The following TMEM164 variants were observed in gnomAD, a reference collection of about 807,000 sequenced individuals.
TMEM164 encodes transmembrane protein 164, also known as RP13-360B22.2.
TMEM164 carries 4 observed loss-of-function variants against 18.8 expected under a neutral mutation model. That is an observed-to-expected ratio of 0.21 (90% CI 0.10 to 0.49). The LOEUF is 0.49. TMEM164 is among the 20% of genes least tolerant of loss of function. The pLI is 0.98. For synonymous variants in TMEM164, 86 were observed against 101.7 expected (o/e 0.85, Z 0.93); for missense variants, 108 against 239.9 (o/e 0.45, Z 3.63).
chrX:110,083,427 C>G (rs2065787457), intron 3 of TMEM164, among the ~76,000 whole-genome samples: 1 of 111,123 alleles, frequency 9.0e-6, no homozygotes, highest in African/African-American at 3.3e-5. Context: ...CTTGGGTTTT[C>G]CATCAGTTTC....
chrX:110,118,820 T>C (rs1033221928), intron 4 of TMEM164, among the ~76,000 whole-genome samples: 4 of 111,465 alleles, frequency 3.6e-5, no homozygotes, highest in African/African-American at 1.3e-4. Flanking sequence ...AATGGCGACA[T>C]TTGATTCATT....
At chrX:110,093,188 C>T (rs1464620264) in intron 3 of TMEM164, among the ~76,000 whole-genome samples, 1 of 111,834 alleles carries the variant, frequency 8.9e-6, no homozygotes, top group Non-Finnish European at 1.9e-5. Context: ...TGTTGTGTCT[C>T]TGCCAGGCTT....
chrX:110,150,808 C>T (rs1223835695), intron 5 of TMEM164, among the ~76,000 whole-genome samples: 2 of 111,683 alleles, frequency 1.8e-5, no homozygotes, highest in African/African-American at 6.5e-5. Context: ...CTCCCCCTTT[C>T]TTTCTTTTTT....
upstream of TMEM164, chrX:110,002,723 G>T (rs1932380570): frequency 9.0e-6 from 1 of 111,002 alleles, no homozygotes; most frequent in Admixed American, 9.3e-5. Context: ...GGCGCGGAGA[G>T]CGCGGGAGCG....
rs1271283897 is a variant in TMEM164, at chrX:110,003,758, A to G, written c.-17A>G. The G allele has an allele frequency of 5.9e-6, 7 of 1,179,598 alleles. No homozygotes were observed. In the East Asian group the frequency reaches 2.1e-4, roughly 35 times the overall value. The stretch of plus-strand genomic sequence containing the variant: ...ACTCTTGCTTCCTGTACTGTGGTCA[A>G]GGGGAACCACTGCATCATGTCCCGG... On this transcript the variant is annotated 5_prime_UTR_variant, in exon 2 of 7. Transcript: ENST00000372068.
At chrX:110,151,613 T>G (rs963791869) in intron 5 of TMEM164, among the ~76,000 whole-genome samples, 1 of 110,725 alleles carries the variant, frequency 9.0e-6, no homozygotes, top group African/African-American at 3.3e-5. Context: ...AAACCCCCTC[T>G]CTACTAAAAA....
chrX:110,030,498 C>T (rs1477750542), intron 2 of TMEM164, among the ~76,000 whole-genome samples: 2 of 104,992 alleles, frequency 1.9e-5, no homozygotes, highest in African/African-American at 3.5e-5. Flanking sequence ...AAAAGGCCAA[C>T]GGATCAAGAG....
intron 3 of TMEM164, among the ~76,000 whole-genome samples, chrX:110,091,157 A>G (rs1414433882): frequency 8.9e-6 from 1 of 112,012 alleles, no homozygotes; most frequent in African/African-American, 3.2e-5. Context: ...GAATAGTGCC[A>G]CAATAAACAT....
At chrX:110,156,403 A>G (rs960062507) in intron 5 of TMEM164, among the ~76,000 whole-genome samples, 1 of 112,151 alleles carries the variant, frequency 8.9e-6, no homozygotes, top group Non-Finnish European at 1.9e-5. Context: ...AATATTGGAT[A>G]TTGATTTATT....
chrX:110,054,900 G>A (rs1935746895), intron 2 of TMEM164, among the ~76,000 whole-genome samples: 1 of 111,958 alleles, frequency 8.9e-6, no homozygotes, highest in Non-Finnish European at 1.9e-5. Flanking sequence ...GAACACTTGT[G>A]TGTATCAGCC....
intron 2 of TMEM164, among the ~76,000 whole-genome samples, chrX:110,063,816 A>G (rs1936214685): frequency 9.0e-6 from 1 of 111,313 alleles, no homozygotes; most frequent in Non-Finnish European, 1.9e-5. Flanking sequence ...GTGTTTTGAG[A>G]TGTCTCACAC....
chrX:110,112,053 T>G (rs780875923), intron 4 of TMEM164, among the ~76,000 whole-genome samples: 16 of 110,048 alleles, frequency 1.5e-4, no homozygotes, highest in African/African-American at 5.3e-4. Flanking sequence ...AATAAAAAAT[T>G]TAAAAATCAG....
At chrX:110,073,476 G>T (rs773177967) in intron 3 of TMEM164, among the ~76,000 whole-genome samples, 186 of 112,175 alleles carry the variant, frequency 1.7e-3, no homozygotes, top group African/African-American at 5.7e-3. Context: ...GCTGCAAAGG[G>T]CATGACTTCA....
chrX:110,067,180 G>A lies in TMEM164; in HGVS notation c.391-167G>A, dbSNP rs62597747. Reference sequence around the variant, plus strand: ...CACACACACACACACACACACACACGCATGCATGCATGCAAGCACAAACAT... The same window carrying A: ...CACACACACACACACACACACACACACATGCATGCATGCAAGCACAAACAT... On this transcript the variant is annotated intron_variant, in intron 2 of 6. Transcript: ENST00000372068. 6.6e-5 allele frequency among the ~76,000 whole-genome samples: 6 copies of A among 90,425 alleles called. No individual in the cohort carries two copies. The East Asian group carries it at 9.0e-4, about 14-fold the overall frequency. The allele number at this position is 90,425 out of a possible 115,157, so 78.5% of individuals were successfully genotyped here.
At chrX:110,082,498 G>A (rs1437043332) in intron 3 of TMEM164, among the ~76,000 whole-genome samples, 1 of 111,359 alleles carries the variant, frequency 9.0e-6, no homozygotes, top group East Asian at 2.8e-4. Flanking sequence ...TCCTCACTTC[G>A]GTTTGAATAA....
downstream of TMEM164, among the ~76,000 whole-genome samples, chrX:110,180,286 A>G (rs1251411200): frequency 8.9e-6 from 1 of 112,422 alleles, no homozygotes; most frequent in East Asian, 2.8e-4. Context: ...AGGGGTAGGG[A>G]GCAGCTTGAG....
At chrX:110,099,222 C>T (rs906605517) in intron 3 of TMEM164, among the ~76,000 whole-genome samples, 16 of 110,521 alleles carry the variant, frequency 1.4e-4, no homozygotes, top group South Asian at 3.8e-4. Flanking sequence ...CTTATCTTTT[C>T]ATTGTCTTAA....
chrX:110,094,689 A>G (rs914897959), intron 3 of TMEM164, among the ~76,000 whole-genome samples: 6 of 111,528 alleles, frequency 5.4e-5, no homozygotes, highest in African/African-American at 1.6e-4. Flanking sequence ...TTTAAGGTCA[A>G]TATGGTTATG....
At chrX:110,169,110 A>G (rs942904639) in intron 5 of TMEM164, among the ~76,000 whole-genome samples, 6 of 111,866 alleles carry the variant, frequency 5.4e-5, no homozygotes, top group African/African-American at 2.0e-4. Context: ...CCATGCTCTT[A>G]TCCATCACAC....
Sources: gnomAD v4.1 joint callset for allele counts (sites outside exome capture counted in the v4.1 genomes callset) on GRCh38, gnomAD v4.1.1 for gene constraint, MANE v1.5 for transcripts, NCBI Gene and HGNC (gene_info 2026-07-23, HGNC 2026-07-21) for gene names.